The following FAXC variants were observed in gnomAD, a reference collection of about 807,000 sequenced individuals.
The protein encoded by FAXC is failed axon connections homolog.
In FAXC, 10 loss-of-function variants were observed where a neutral mutation model predicts 41.9. That is an observed-to-expected ratio of 0.24 (90% confidence interval 0.15 to 0.41). FAXC has a LOEUF of 0.41. Among genes scored for constraint, FAXC ranks in the 10% least tolerant of loss-of-function variants. FAXC has a pLI of 1.00. For missense variants in FAXC, 399 were observed against 510.9 expected (o/e 0.78, Z 2.11); for synonymous variants, 183 against 183.8 (o/e 1.00, Z 0.03).
At position 99,276,741 on chromosome 6, in the gene FAXC, A is replaced by G. The variant is rs189411067; in HGVS notation, c.*4423T>C. 1 of 152,292 alleles carries G rather than the reference A, an allele frequency of 6.6e-6. No homozygotes were observed. The highest frequency in any genetic ancestry group is 1.9e-4 in the East Asian group (1 of 5,190). 9.4% of individuals were successfully genotyped at this position (152,292 alleles called of 1,614,324 possible). On this transcript the variant is annotated 3_prime_UTR_variant, in exon 6 of 6. Coordinates refer to ENST00000389677, the MANE Select transcript of FAXC (RefSeq NM_032511.4). ...TAACCCCCTGAGGAAACCATGGATA[A>G]TTTCAGGAGGTCTCTAAATTTCCTG... is the stretch of plus-strand genomic sequence containing the variant.
intron 4 of FAXC, among the ~76,000 whole-genome samples, chr6:99,295,468 A>T (rs1279380479): frequency 6.6e-6 from 1 of 152,182 alleles, no homozygotes; most frequent in Non-Finnish European, 1.5e-5. Context: ...TCATCCAATC[A>T]GTTGAAGGCC....
intron 2 of FAXC, among the ~76,000 whole-genome samples, chr6:99,336,625 T>C (rs903202521): frequency 6.6e-6 from 1 of 152,216 alleles, no homozygotes; most frequent in Non-Finnish European, 1.5e-5. Flanking sequence ...ATTATTAGCA[T>C]GGCAGTGAAG....
At chr6:99,307,649 G>A (rs1771978117) in intron 4 of FAXC, among the ~76,000 whole-genome samples, 1 of 152,110 alleles carries the variant, frequency 6.6e-6, no homozygotes, top group Non-Finnish European at 1.5e-5. Context: ...GGGGTCAGAG[G>A]GCCCCAGGAA....
chr6:99,276,539 A>G lies in FAXC; in HGVS notation c.*4625T>C, dbSNP rs1205183202. 4 of 152,240 alleles carry G rather than the reference A, an allele frequency of 2.6e-5. No individual in the cohort carries two copies. Among genetic ancestry groups the G allele is most frequent in the Admixed American group, 2.0e-4 (3 of 15,286 alleles). 9.4% of individuals were successfully genotyped at this position (152,240 alleles called of 1,614,324 possible). On this transcript the variant is annotated 3_prime_UTR_variant, in exon 6 of 6. Transcript: ENST00000389677. The stretch of plus-strand genomic sequence containing the variant: ...ACAAAATTTTCTCAAATAACCTAAG[A>G]GCACTTCTTTCTTCTTTTCTGTCAC...
chr6:99,327,354 T>C (rs932930368), intron 3 of FAXC, among the ~76,000 whole-genome samples: 1 of 152,162 alleles, frequency 6.6e-6, no homozygotes, highest in African/African-American at 2.4e-5. Flanking sequence ...CCTTTCACAA[T>C]CAAGATTCTT....
intron 5 of FAXC, among the ~76,000 whole-genome samples, chr6:99,285,178 G>C (rs1449650536): frequency 6.6e-6 from 1 of 152,020 alleles, no homozygotes; most frequent in Non-Finnish European, 1.5e-5. Flanking sequence ...CATATCTCTT[G>C]GCCCAGGATT....
intron 5 of FAXC, among the ~76,000 whole-genome samples, chr6:99,282,920 G>C (rs1770891797): frequency 6.6e-6 from 1 of 152,090 alleles, no homozygotes; most frequent in South Asian, 2.1e-4. Context: ...ATTTACATGT[G>C]CTATATAGGA....
At chr6:99,326,500 TG>T (rs781637696) in intron 3 of FAXC, among the ~76,000 whole-genome samples, 12 of 152,238 alleles carry the variant, frequency 7.9e-5, no homozygotes, top group Admixed American at 2.6e-4. Context: ...TTGGTTAACC[TG>T]TAGCATTTGA....
At chr6:99,315,860 C>T (rs1377422573) in intron 4 of FAXC, among the ~76,000 whole-genome samples, 1 of 152,168 alleles carries the variant, frequency 6.6e-6, no homozygotes, top group Non-Finnish European at 1.5e-5. Flanking sequence ...CACAGCTGAG[C>T]CTCACAACTG....
chr6:99,290,030 C>G (rs1771172870), intron 5 of FAXC, among the ~76,000 whole-genome samples: 1 of 151,504 alleles, frequency 6.6e-6, no homozygotes, highest in South Asian at 2.1e-4. Context: ...TTCACAACCT[C>G]AAAGTTGAAC....
intron 5 of FAXC, among the ~76,000 whole-genome samples, chr6:99,285,055 G>A (rs1392608402): frequency 6.6e-6 from 1 of 151,270 alleles, no homozygotes; most frequent in African/African-American, 2.4e-5. Context: ...AACATCCAAT[G>A]CTGATGAGGA....
chr6:99,286,644 G>A (rs1449900279), intron 5 of FAXC, among the ~76,000 whole-genome samples: 6 of 152,174 alleles, frequency 3.9e-5, no homozygotes, highest in African/African-American at 9.7e-5. Context: ...ATGCAGACAC[G>A]CTGCAGAGCT....
intron 5 of FAXC, among the ~76,000 whole-genome samples, chr6:99,282,587 G>A (rs1028728406): frequency 1.3e-5 from 2 of 152,120 alleles, no homozygotes; most frequent in Non-Finnish European, 2.9e-5. Context: ...TCTGAAACAT[G>A]CCACTCTACC....
chr6:99,329,713 CTCT>C (rs1393290413), intron 3 of FAXC, among the ~76,000 whole-genome samples: 3 of 151,932 alleles, frequency 2.0e-5, no homozygotes, highest in African/African-American at 7.3e-5. Context: ...AAAGAGTAGT[CTCT>C]TGGCTTTTAG....
At chr6:99,311,729 T>C (rs1772166663) in intron 4 of FAXC, among the ~76,000 whole-genome samples, 1 of 152,180 alleles carries the variant, frequency 6.6e-6, no homozygotes, top group African/African-American at 2.4e-5. Flanking sequence ...ATCTGGAGAA[T>C]AGCAGCTCAG....
chr6:99,339,575 T>TGG (rs1773341861), intron 2 of FAXC, among the ~76,000 whole-genome samples: 4 of 152,130 alleles, frequency 2.6e-5, no homozygotes, highest in African/African-American at 9.7e-5. Flanking sequence ...AGTAACATAA[T>TGG]AAATATCCTC....
intron 3 of FAXC, among the ~76,000 whole-genome samples, chr6:99,332,068 T>C (rs1773046074): frequency 6.6e-6 from 1 of 152,186 alleles, no homozygotes; most frequent in South Asian, 2.1e-4. Context: ...GCCCCCTCCT[T>C]GCTGCCTACT....
At position 99,349,536 on chromosome 6, in the gene FAXC, G is replaced by A. The variant is rs1773726029; in HGVS notation, c.-164C>T. ...GACTGAGGAGGCGGCGGCAGAGGAGGAGGAGGAGGAAGGGCACTGGCCGCG... is the reference window on the plus strand; with the variant it reads ...GACTGAGGAGGCGGCGGCAGAGGAGAAGGAGGAGGAAGGGCACTGGCCGCG... On this transcript the variant is annotated 5_prime_UTR_variant, in exon 1 of 6. Transcript: ENST00000389677. 1 of 339,160 alleles carries A rather than the reference G, an allele frequency of 2.9e-6. No individual in the cohort carries two copies. The highest frequency in any genetic ancestry group is 1.7e-4 in the East Asian group (1 of 6,032). 21.0% of individuals were successfully genotyped at this position (339,160 alleles called of 1,614,324 possible).
At chr6:99,327,923 G>A (rs1161094453) in intron 3 of FAXC, among the ~76,000 whole-genome samples, 1 of 152,084 alleles carries the variant, frequency 6.6e-6, no homozygotes, top group Non-Finnish European at 1.5e-5. Flanking sequence ...AAGGAACATG[G>A]CCTCCTACCA....
Sources: allele counts gnomAD v4.1 joint callset (sites outside exome capture counted in the v4.1 genomes callset), GRCh38; gene constraint gnomAD v4.1.1; transcripts MANE v1.5; gene names NCBI Gene and HGNC (gene_info 2026-07-23, HGNC 2026-07-21).